The following PCDH17 variants were observed in gnomAD, a reference collection of about 807,000 sequenced individuals.
PCDH17 encodes protocadherin 17.
A neutral mutation model predicts 67.7 loss-of-function variants in PCDH17; 21 were observed. The observed-to-expected ratio is 0.31, with a 90% CI of 0.22 to 0.45. The LOEUF is 0.45. Ranked by LOEUF, PCDH17 falls within the 20% of genes least tolerant of loss-of-function variation. The probability of loss-of-function intolerance (pLI) is 1.00; values close to 1 mark genes in which losing one functional copy is unlikely to be tolerated. For synonymous variants in PCDH17, 701 were observed against 656.7 expected, an observed-to-expected ratio of 1.07 and a Z score of -1.03; for missense variants, 1,471 against 1,564.8, an observed-to-expected ratio of 0.94 and a Z score of 1.01.
chr13:57,718,001 T>G (rs1214842928), intron 3 of PCDH17, among the ~76,000 whole-genome samples: 1 of 151,908 alleles, frequency 6.6e-6, no homozygotes, highest in Non-Finnish European at 1.5e-5. Context: ...ATAAGCATAT[T>G]GTAACAAGAT....
At chr13:57,704,196 G>T (rs1219102163) in intron 3 of PCDH17, among the ~76,000 whole-genome samples, 1 of 152,026 alleles carries the variant, frequency 6.6e-6, no homozygotes, top group Non-Finnish European at 1.5e-5. Flanking sequence ...ACCTGTCAGT[G>T]TGCCATTTTG....
chr13:57,655,689 T>A (rs1321207166), intron 1 of PCDH17, among the ~76,000 whole-genome samples: 1 of 152,006 alleles, frequency 6.6e-6, no homozygotes, highest in East Asian at 1.9e-4. Context: ...ATGTTATCGA[T>A]CAAAGAAAAA....
Position 57,635,096 on chromosome 13 carries a change from G to A in PCDH17, c.2550G>A (p.Arg850=). The part of the protein sequence containing the change: ...GTNASETPAT[R]MSIIQTDNFP... ...ATGCAAGCGAGACCCCTGCCACTCG[G>A]ATGTCCATAATTCAGGTAGGAGACT... The change falls in exon 1 of 4, where the codon CGG becomes CGA. Residue 850 remains arginine, a synonymous_variant. Transcript: ENST00000377918. The A allele has an allele frequency of 6.2e-7, 1 of 1,613,298 alleles. No homozygotes were observed.
At chr13:57,650,520 C>G (rs1315078188) in intron 1 of PCDH17, among the ~76,000 whole-genome samples, 1 of 152,050 alleles carries the variant, frequency 6.6e-6, no homozygotes, top group East Asian at 1.9e-4. Context: ...AAAACAACAA[C>G]TATTACAAAC....
At chr13:57,679,116 A>G (rs1363969194) in intron 3 of PCDH17, among the ~76,000 whole-genome samples, 1 of 151,528 alleles carries the variant, frequency 6.6e-6, no homozygotes, top group Admixed American at 6.6e-5. Context: ...TCACCAAAAA[A>G]GTAACAAAGT....
chr13:57,632,944 C>A lies in PCDH17; in HGVS notation c.398C>A (p.Ser133Tyr). ...ATCAACGACAACGCGCCCTCCTTCT[C>A]CTCGGACCAGATCGAAATGGACATC... ...QDINDNAPSF[S>Y]SDQIEMDISE... is the part of the protein sequence containing the mutation. The change falls in exon 1 of 4, where the codon TCC (serine) becomes TAC (tyrosine). Residue 133 changes from serine to tyrosine, a missense_variant. Transcript: ENST00000377918. 1 of 1,613,980 alleles carries A rather than the reference C, an allele frequency of 6.2e-7. No individual in the cohort carries two copies. Among genetic ancestry groups the A allele is most frequent in the Non-Finnish European group, 8.5e-7 (1 of 1,180,024 alleles).
intron 1 of PCDH17, among the ~76,000 whole-genome samples, chr13:57,644,902 A>C (rs1394779554): frequency 2.0e-5 from 3 of 151,722 alleles, no homozygotes; most frequent in East Asian, 1.9e-4. Flanking sequence ...GGCAATGTTG[A>C]GAAAGCACGA....
intron 3 of PCDH17, among the ~76,000 whole-genome samples, chr13:57,687,275 A>G (rs1955517628): frequency 6.6e-6 from 1 of 152,088 alleles, no homozygotes; most frequent in Non-Finnish European, 1.5e-5. Context: ...GTTGGAATTA[A>G]GGAATTTGAA....
In PCDH17 at chr13:57,728,479, A is replaced by G. The variant is rs1452293951; in HGVS notation, c.*3185A>G. On this transcript the variant is annotated 3_prime_UTR_variant, in exon 4 of 4. Coordinates refer to ENST00000377918, the MANE Select transcript of PCDH17 (RefSeq NM_001040429.3). ...AAAATCACTTCATGGAAATTTCAGT[A>G]AGAAACCCAAACTTCTAAAAATTGC... The G allele has an allele frequency of 6.7e-6, 1 of 150,238 alleles. No individual in the cohort carries two copies. Among genetic ancestry groups the G allele is most frequent in the Non-Finnish European group, 1.5e-5 (1 of 67,588 alleles). 9.3% of individuals were successfully genotyped at this position (150,238 alleles called of 1,614,324 possible). A position where few individuals can be genotyped will look rare whatever the true frequency, so the allele number is the denominator to read the frequency against.
intron 1 of PCDH17, among the ~76,000 whole-genome samples, chr13:57,657,408 C>A (rs1955119559): frequency 6.6e-6 from 1 of 152,142 alleles, no homozygotes; most frequent in African/African-American, 2.4e-5. Flanking sequence ...CTGATAAATA[C>A]AGTTATTGCC....
intron 1 of PCDH17, among the ~76,000 whole-genome samples, chr13:57,641,872 A>G (rs1159274019): frequency 3.3e-5 from 5 of 151,424 alleles, no homozygotes; most frequent in African/African-American, 1.2e-4. Context: ...TTAAGTTAAC[A>G]AGCTTTGTGA....
intron 3 of PCDH17, among the ~76,000 whole-genome samples, chr13:57,693,345 T>TATATATATATA (rs1955578085): frequency 2.9e-5 from 4 of 137,858 alleles, no homozygotes; most frequent in Non-Finnish European, 4.7e-5. Context: ...TATATATATA[T>TATATATATATA]CAAGGAGTTA....
intron 3 of PCDH17, among the ~76,000 whole-genome samples, chr13:57,673,846 C>T (rs1350401645): frequency 6.6e-6 from 1 of 151,950 alleles, no homozygotes; most frequent in Non-Finnish European, 1.5e-5. Context: ...TCAATTTTCC[C>T]ACCCCCCTGT....
chr13:57,724,583 G>T lies in PCDH17; in HGVS notation c.2798-29G>T, dbSNP rs746173586. The T allele has an allele frequency of 5.1e-6, 8 of 1,569,742 alleles. No homozygotes were observed. In the African/African-American group the frequency reaches 6.8e-5, roughly 13 times the overall value. On this transcript the variant is annotated intron_variant, in intron 3 of 3. Coordinates refer to ENST00000377918, the MANE Select transcript of PCDH17 (RefSeq NM_001040429.3). ...AATTTAAAGAAAACTCTAATGATTG[G>T]ATTTGCTGTTTTCTCTTTTGTTTTG...
At chr13:57,715,879 A>G (rs1368221999) in intron 3 of PCDH17, among the ~76,000 whole-genome samples, 1 of 152,010 alleles carries the variant, frequency 6.6e-6, no homozygotes, top group Admixed American at 6.6e-5. Flanking sequence ...GGAAGAGGGA[A>G]GAAAGATAAA....
chr13:57,701,269 T>C (rs1955660512), intron 3 of PCDH17, among the ~76,000 whole-genome samples: 1 of 151,688 alleles, frequency 6.6e-6, no homozygotes, highest in Non-Finnish European at 1.5e-5. Context: ...ATCTCCCCCG[T>C]TTGTTTGTTT....
intron 3 of PCDH17, among the ~76,000 whole-genome samples, chr13:57,691,241 A>T (rs1397391775): frequency 6.6e-6 from 1 of 151,364 alleles, no homozygotes; most frequent in Non-Finnish European, 1.5e-5. Context: ...ATTTAAAATG[A>T]ACTTAATTCA....
chr13:57,699,301 TA>T (rs1160545754), intron 3 of PCDH17, among the ~76,000 whole-genome samples: 2 of 151,944 alleles, frequency 1.3e-5, no homozygotes, highest in African/African-American at 2.4e-5. Flanking sequence ...ATCCCCAAAT[TA>T]AAAAAAGGTG....
intron 3 of PCDH17, among the ~76,000 whole-genome samples, chr13:57,717,418 A>G (rs767895014): frequency 7.9e-5 from 12 of 151,926 alleles, no homozygotes; most frequent in Non-Finnish European, 1.3e-4. Context: ...AGCGTTATCT[A>G]TGTGTGGTCA....
Sources: gnomAD v4.1 joint callset for allele counts (sites outside exome capture counted in the v4.1 genomes callset) on GRCh38, gnomAD v4.1.1 for gene constraint, MANE v1.5 for transcripts, NCBI Gene and HGNC (gene_info 2026-07-23, HGNC 2026-07-21) for gene names.